The following LRRC4C variants were observed in gnomAD, a reference collection of about 807,000 sequenced individuals.
The protein encoded by LRRC4C is leucine-rich repeat-containing protein 4C.
In LRRC4C, 5 loss-of-function variants were observed where a neutral mutation model predicts 33.6. The observed-to-expected ratio is 0.15, with a 90% CI of 0.08 to 0.31. LRRC4C has a LOEUF of 0.31. Among genes scored for constraint, LRRC4C ranks in the 10% least tolerant of loss-of-function variants. The probability of loss-of-function intolerance (pLI) is 1.00; values close to 1 mark genes in which losing one functional copy is unlikely to be tolerated. For synonymous variants in LRRC4C, 329 were observed against 302.0 expected, an observed-to-expected ratio of 1.09 and a Z score of -0.93; for missense variants, 560 against 796.7, an observed-to-expected ratio of 0.70 and a Z score of 3.58.
At chr11:41,185,367 T>C (rs1945647061) in intron 1 of LRRC4C, among the ~76,000 whole-genome samples, 1 of 152,024 alleles carries the variant, frequency 6.6e-6, no homozygotes, top group Non-Finnish European at 1.5e-5. Flanking sequence ...ATCCAAACTA[T>C]ATAAAGGACT....
chr11:41,250,444 C>T (rs1948602771), intron 1 of LRRC4C, among the ~76,000 whole-genome samples: 1 of 152,178 alleles, frequency 6.6e-6, no homozygotes, highest in African/African-American at 2.4e-5. Context: ...CCTTGTGTCA[C>T]TTTGTAAAGG....
At chr11:40,359,410 A>T (rs983471816) in intron 3 of LRRC4C, among the ~76,000 whole-genome samples, 2 of 152,176 alleles carry the variant, frequency 1.3e-5, no homozygotes, top group African/African-American at 4.8e-5. Flanking sequence ...TCCTCAGTAG[A>T]CAGAACTTTT....
intron 2 of LRRC4C, among the ~76,000 whole-genome samples, chr11:40,769,286 C>A (rs1591669355): frequency 6.6e-6 from 1 of 151,944 alleles, no homozygotes; most frequent in Admixed American, 6.6e-5. Context: ...AATGAAAAAT[C>A]TGTACAATGG....
At chr11:41,014,934 A>G (rs921890584) in intron 1 of LRRC4C, among the ~76,000 whole-genome samples, 3 of 152,200 alleles carry the variant, frequency 2.0e-5, no homozygotes, top group South Asian at 2.1e-4. Context: ...TTCAATTACC[A>G]TTTCAATTTT....
At chr11:40,464,446 A>G (rs1332764105) in intron 3 of LRRC4C, among the ~76,000 whole-genome samples, 1 of 152,046 alleles carries the variant, frequency 6.6e-6, no homozygotes, top group Non-Finnish European at 1.5e-5. Flanking sequence ...ACACACTCCT[A>G]TTCAACATAA....
intron 2 of LRRC4C, among the ~76,000 whole-genome samples, chr11:40,735,316 C>T (rs1419035160): frequency 1.3e-5 from 2 of 151,242 alleles, no homozygotes; most frequent in African/African-American, 2.4e-5. Context: ...CCCCACTCCC[C>T]CCACCCCACA....
chr11:41,188,098 T>C (rs188862185), intron 1 of LRRC4C, among the ~76,000 whole-genome samples: 2 of 152,222 alleles, frequency 1.3e-5, no homozygotes, highest in Admixed American at 1.3e-4. Context: ...TTTCACAAAT[T>C]TCCTGTTTAA....
chr11:41,417,626 A>G (rs879870489), intron 1 of LRRC4C, among the ~76,000 whole-genome samples: 11 of 152,078 alleles, frequency 7.2e-5, no homozygotes, highest in Admixed American at 3.3e-4. Context: ...TCTAAAGTTA[A>G]TCAGCCCAGC....
At chr11:41,014,896 C>A (rs557080546) in intron 1 of LRRC4C, among the ~76,000 whole-genome samples, 1 of 152,096 alleles carries the variant, frequency 6.6e-6, no homozygotes, top group Non-Finnish European at 1.5e-5. Context: ...GATGTAGACA[C>A]GTAACTAGCA....
At chr11:41,177,929 G>A (rs1215532042) in intron 1 of LRRC4C, among the ~76,000 whole-genome samples, 3 of 152,258 alleles carry the variant, frequency 2.0e-5, no homozygotes, top group East Asian at 3.9e-4. Flanking sequence ...TGTGAGGGGT[G>A]GAGAAGAGGT....
chr11:40,925,724 T>C (rs545382046), intron 2 of LRRC4C, among the ~76,000 whole-genome samples: 1 of 152,190 alleles, frequency 6.6e-6, no homozygotes, highest in Admixed American at 6.5e-5. Context: ...TGAGTCCCCA[T>C]GGTAAAAATT....
At chr11:41,074,391 G>A (rs1353051934) in intron 1 of LRRC4C, among the ~76,000 whole-genome samples, 2 of 152,134 alleles carry the variant, frequency 1.3e-5, no homozygotes. Context: ...CTGTGTCAGT[G>A]GGGATTTTCT....
At chr11:41,105,143 C>T (rs1266370692) in intron 1 of LRRC4C, among the ~76,000 whole-genome samples, 1 of 151,926 alleles carries the variant, frequency 6.6e-6, no homozygotes, top group Non-Finnish European at 1.5e-5. Context: ...ATCTGATCTT[C>T]ATTGCCCCAA....
At chr11:40,897,513 C>T (rs1198271991) in intron 2 of LRRC4C, among the ~76,000 whole-genome samples, 2 of 152,126 alleles carry the variant, frequency 1.3e-5, no homozygotes, top group Non-Finnish European at 2.9e-5. Context: ...CAATCTACCA[C>T]TGTAGGAAGA....
At chr11:40,549,719 A>T (rs1957061879) in intron 3 of LRRC4C, among the ~76,000 whole-genome samples, 2 of 152,154 alleles carry the variant, frequency 1.3e-5, no homozygotes, top group South Asian at 2.1e-4. Context: ...GACTATGGAG[A>T]TGGCTTCAAC....
chr11:40,812,916 T>C (rs1338753552), intron 2 of LRRC4C, among the ~76,000 whole-genome samples: 1 of 152,168 alleles, frequency 6.6e-6, no homozygotes, highest in Non-Finnish European at 1.5e-5. Context: ...TAGAAGTCCC[T>C]AGATTCTAGA....
chr11:40,823,090 T>A (rs1166853794), intron 2 of LRRC4C, among the ~76,000 whole-genome samples: 2 of 151,778 alleles, frequency 1.3e-5, no homozygotes, highest in African/African-American at 4.8e-5. Context: ...TGTCAAAATG[T>A]TAATATTTTC....
intron 2 of LRRC4C, among the ~76,000 whole-genome samples, chr11:40,684,577 A>AT (rs529860297): frequency 3.9e-5 from 6 of 151,958 alleles, no homozygotes; most frequent in African/African-American, 1.4e-4. Flanking sequence ...GAGTTGAAGG[A>AT]TTTTTTTTAG....
chr11:41,365,336 A>G lies in LRRC4C; in HGVS notation c.-496+94095T>C, dbSNP rs142380876. Among the ~76,000 whole-genome samples the G allele has an allele frequency of 1.1e-3, 162 of 152,028 alleles. 4 individuals carry two copies. In the East Asian group the frequency reaches 0.028, roughly 26 times the overall value. ...GGGACCATCTAGTTGCAGGAAAACA[A>G]TCTCAGGGCTCCCACTAATTCTACA... On this transcript the variant is annotated intron_variant, in intron 1 of 6. Coordinates refer to ENST00000528697, the MANE Select transcript of LRRC4C (RefSeq NM_001258419.2).
Sources: gnomAD v4.1 joint callset for allele counts (sites outside exome capture counted in the v4.1 genomes callset) on GRCh38, gnomAD v4.1.1 for gene constraint, MANE v1.5 for transcripts, NCBI Gene and HGNC (gene_info 2026-07-23, HGNC 2026-07-21) for gene names.